LPP: variants seen among roughly 807,000 people sequenced by gnomAD.
LPP encodes the protein lipoma-preferred partner.
LPP carries 38 observed loss-of-function variants against 60.4 expected under a neutral mutation model. The observed-to-expected ratio is 0.63, with a 90% CI of 0.49 to 0.83. The LOEUF (loss-of-function observed/expected upper bound fraction) is 0.83. Ranked by LOEUF, LPP falls within the 40% of genes least tolerant of loss-of-function variation. LPP has a pLI of 0.00. For missense variants in LPP, 902 were observed against 783.6 expected (o/e 1.15, Z -1.80); for synonymous variants, 328 against 290.8 (o/e 1.13, Z -1.30).
At chr3:188,252,069 T>C (rs529704123) in intron 2 of LPP, among the ~76,000 whole-genome samples, 28 of 101,696 alleles carry the variant, frequency 2.8e-4, no homozygotes, top group African/African-American at 9.3e-4. Context: ...TATATATATA[T>C]ATATATACAC....
intron 3 of LPP, among the ~76,000 whole-genome samples, chr3:188,375,525 T>C (rs1279392655): frequency 6.6e-6 from 1 of 152,216 alleles, no homozygotes; most frequent in Non-Finnish European, 1.5e-5. Context: ...CTGATGGTAG[T>C]TTGTATTTCT....
intron 9 of LPP, among the ~76,000 whole-genome samples, chr3:188,776,019 C>T (rs1385144695): frequency 6.6e-6 from 1 of 152,202 alleles, no homozygotes; most frequent in Non-Finnish European, 1.5e-5. Context: ...ATTGAGTGAG[C>T]ACCTTCTGTG....
chr3:188,841,057 G>A (rs897630242), intron 9 of LPP, among the ~76,000 whole-genome samples: 3 of 152,162 alleles, frequency 2.0e-5, no homozygotes, highest in Non-Finnish European at 4.4e-5. Context: ...CCCTGGCCAT[G>A]GCAGGAGAAT....
intron 7 of LPP, among the ~76,000 whole-genome samples, chr3:188,674,421 T>C (rs1857563646): frequency 6.6e-6 from 1 of 152,166 alleles, no homozygotes; most frequent in Non-Finnish European, 1.5e-5. Context: ...TTTCCTTCCT[T>C]CTCCAATCTG....
intron 9 of LPP, among the ~76,000 whole-genome samples, chr3:188,766,767 A>C (rs1223114277): frequency 2.0e-5 from 3 of 152,248 alleles, no homozygotes; most frequent in Non-Finnish European, 4.4e-5. Flanking sequence ...AAAAATTAGC[A>C]AATAGAAGAA....
At chr3:188,741,606 A>G (rs1410030248) in intron 8 of LPP, among the ~76,000 whole-genome samples, 1 of 149,430 alleles carries the variant, frequency 6.7e-6, no homozygotes, top group Non-Finnish European at 1.5e-5. Flanking sequence ...AGTGTTTTTA[A>G]TTATTATTGT....
intron 2 of LPP, among the ~76,000 whole-genome samples, chr3:188,318,806 T>C (rs2150356702): frequency 7.2e-6 from 1 of 139,668 alleles, no homozygotes; most frequent in East Asian, 2.2e-4. Context: ...TCGCCCAGGC[T>C]GGAGTGCAGT....
At chr3:188,687,079 A>G (rs532015064) in intron 7 of LPP, among the ~76,000 whole-genome samples, 9 of 152,356 alleles carry the variant, frequency 5.9e-5, no homozygotes, top group Admixed American at 2.0e-4. Flanking sequence ...GTGCTTGTGT[A>G]TGAGTCTTTA....
In LPP at chr3:188,399,637, T is replaced by A. The variant is rs533689561; in HGVS notation, c.-9-6475T>A. Among the ~76,000 whole-genome samples the A allele has an allele frequency of 4.6e-5, 7 of 152,292 alleles. No homozygotes were observed. The East Asian group carries it at 1.4e-3, about 29-fold the overall frequency. ...GACTAATACAATGTCATTTAAAGATTAATAGAAATGCTCTAAGTCAATTAT... is the reference window on the plus strand; with the variant it reads ...GACTAATACAATGTCATTTAAAGATAAATAGAAATGCTCTAAGTCAATTAT... On this transcript the variant is annotated intron_variant, in intron 3 of 11. Coordinates refer to ENST00000617246, the MANE Select transcript of LPP (RefSeq NM_001375462.1).
chr3:188,813,663 C>A (rs904249698), intron 9 of LPP, among the ~76,000 whole-genome samples: 2 of 152,124 alleles, frequency 1.3e-5, no homozygotes. Context: ...CACTCTGCCC[C>A]CTTGGGATTG....
chr3:188,266,201 C>A (rs1238674153), intron 2 of LPP, among the ~76,000 whole-genome samples: 4 of 152,024 alleles, frequency 2.6e-5, no homozygotes, highest in Non-Finnish European at 5.9e-5. Flanking sequence ...CAGCACTCCC[C>A]TCCCTAAAAT....
rs1315554389 is a variant in LPP at position 188,890,463 on chromosome 3, A to C, written c.*15984A>C. 1.0e-5 allele frequency: 2 copies of C among 195,428 alleles called. No individual in the cohort carries two copies. Among genetic ancestry groups the C allele is most frequent in the East Asian group, 1.6e-4 (2 of 12,308 alleles). The allele number at this position is 195,428 out of a possible 1,614,324, so 12.1% of individuals were successfully genotyped here. ...AAGAGAATAAAATCTGTTATAAGCA[A>C]GTGATTTAGGTATTTTCTTTTGTGT... On this transcript the variant is annotated 3_prime_UTR_variant, in exon 12 of 12. Transcript: ENST00000617246.
intron 7 of LPP, among the ~76,000 whole-genome samples, chr3:188,682,236 A>G (rs891127046): frequency 6.6e-6 from 1 of 152,236 alleles, no homozygotes; most frequent in Non-Finnish European, 1.5e-5. Context: ...ATAGCAAAGC[A>G]AGAAATGTCA....
At chr3:188,800,473 C>G (rs1331128539) in intron 9 of LPP, among the ~76,000 whole-genome samples, 1 of 151,984 alleles carries the variant, frequency 6.6e-6, no homozygotes, top group Non-Finnish European at 1.5e-5. Context: ...TCTCCATCTC[C>G]TGACCTCGTG....
chr3:188,299,727 T>C (rs904259933), intron 2 of LPP, among the ~76,000 whole-genome samples: 2 of 152,170 alleles, frequency 1.3e-5, no homozygotes, highest in African/African-American at 4.8e-5. Flanking sequence ...TAAAACAGTT[T>C]TGGAACCCTT....
At chr3:188,697,238 G>A (rs1433447712) in intron 7 of LPP, among the ~76,000 whole-genome samples, 1 of 152,178 alleles carries the variant, frequency 6.6e-6, no homozygotes, top group Non-Finnish European at 1.5e-5. Flanking sequence ...GGATTGCTGA[G>A]CCAGAACCGC....
At chr3:188,277,387 T>A (rs548720627) in intron 2 of LPP, among the ~76,000 whole-genome samples, 2 of 152,282 alleles carry the variant, frequency 1.3e-5, no homozygotes, top group South Asian at 4.1e-4. Context: ...CAGAGGAACA[T>A]CTCTCAGGAA....
chr3:188,639,392 A>G (rs1166484019), intron 7 of LPP, among the ~76,000 whole-genome samples: 1 of 151,446 alleles, frequency 6.6e-6, no homozygotes, highest in African/African-American at 2.4e-5. Context: ...CTTAAATGTT[A>G]GACCTAAAAC....
At chr3:188,315,008 C>T (rs1754625187) in intron 2 of LPP, among the ~76,000 whole-genome samples, 1 of 152,048 alleles carries the variant, frequency 6.6e-6, no homozygotes, top group Non-Finnish European at 1.5e-5. Flanking sequence ...GTAGAATTCC[C>T]TTGTGAAAAT....
Sources: allele counts gnomAD v4.1 joint callset (sites outside exome capture counted in the v4.1 genomes callset), GRCh38; gene constraint gnomAD v4.1.1; transcripts MANE v1.5; gene names NCBI Gene and HGNC (gene_info 2026-07-23, HGNC 2026-07-21).